The following GNAT3 variants were observed in gnomAD, a reference collection of about 807,000 sequenced individuals.
The protein encoded by GNAT3 is G protein subunit alpha transducin 3.
Under a neutral mutation model 37.7 loss-of-function variants are expected in GNAT3, and 31 were observed. The ratio of observed to expected loss-of-function variants is 0.82; its 90% CI spans 0.62 to 1.11. The LOEUF (loss-of-function observed/expected upper bound fraction) is 1.11, where lower values mean the gene tolerates loss of function less well. Ranked by LOEUF, GNAT3 falls within the 50% of genes most tolerant of loss-of-function variation. The pLI, the probability that GNAT3 is intolerant of heterozygous loss-of-function variation, is 0.00. For synonymous variants in GNAT3, 138 were observed against 139.8 expected, an observed-to-expected ratio of 0.99 and a Z score of 0.09; for missense variants, 437 against 412.5, an observed-to-expected ratio of 1.06 and a Z score of -0.51.
intron 3 of GNAT3, among the ~76,000 whole-genome samples, chr7:80,487,280 G>C (rs1790505031): frequency 6.6e-6 from 1 of 152,098 alleles, no homozygotes; most frequent in Non-Finnish European, 1.5e-5. Context: ...AAGAATAAAA[G>C]GATCTTGGAG....
At chr7:80,467,441 A>T (rs1388028210) in intron 5 of GNAT3, among the ~76,000 whole-genome samples, 1 of 152,134 alleles carries the variant, frequency 6.6e-6, no homozygotes, top group Non-Finnish European at 1.5e-5. Flanking sequence ...ATCAATAGCC[A>T]GAGTTTTGTT....
intron 5 of GNAT3, 107 bp downstream of exon 5, chr7:80,474,144 A>C: frequency 9.3e-7 from 1 of 1,075,402 alleles, no homozygotes; most frequent in Admixed American, 2.2e-5. Flanking sequence ...TAGTGAGTAC[A>C]TCCAAGGATT....
intron 1 of GNAT3, among the ~76,000 whole-genome samples, chr7:80,510,808 C>A (rs1584204183): frequency 6.6e-6 from 1 of 152,042 alleles, no homozygotes; most frequent in Admixed American, 6.6e-5. Flanking sequence ...CGAAGGAATA[C>A]TTAAATAAGT....
intron 5 of GNAT3, 37 bp from the exon 6 acceptor site, chr7:80,462,668 A>G: frequency 6.4e-7 from 1 of 1,558,832 alleles, no homozygotes; most frequent in Non-Finnish European, 8.8e-7. Flanking sequence ...AAATCTTGCA[A>G]ATATCCTCCA....
Position 80,488,620 on chromosome 7 carries a change from AT to A in GNAT3, c.217del (p.Ile73PhefsTer10). On this transcript the variant is annotated frameshift_variant, in exon 3 of 8. Coordinates refer to ENST00000398291, the MANE Select transcript of GNAT3 (RefSeq NM_001102386.3). LOFTEE classifies it high-confidence loss of function. ...GATGGATTGCAATGTATTACTGTAA[AT>A]TACTGCTTTGAACTCCATGCATTCT... ...EQECMEFKAV[I>X]YSNTLQSILA... The A allele has an allele frequency of 6.3e-7, 1 of 1,592,108 alleles. No homozygotes were observed. The highest frequency in any genetic ancestry group is 8.6e-7 in the Non-Finnish European group (1 of 1,166,802).
chr7:80,488,737 A>C, intron 2 of GNAT3, 61 bp from the exon 3 acceptor site: 1 of 1,256,850 alleles, frequency 8.0e-7, no homozygotes, highest in South Asian at 1.4e-5. Flanking sequence ...ACTAAAGCAC[A>C]TCCAACTAAG....
intron 1 of GNAT3, among the ~76,000 whole-genome samples, chr7:80,499,950 T>G (rs1417717561): frequency 2.0e-5 from 3 of 152,214 alleles, no homozygotes; most frequent in Non-Finnish European, 4.4e-5. Context: ...TTCTATTATT[T>G]GAAGAATGTG....
rs1231013970 is a variant in GNAT3 at position 80,462,634 on chromosome 7, T to G, written c.591-3A>C. On this transcript the variant is annotated splice_polypyrimidine_tract_variant and splice_region_variant and intron_variant, in intron 5 of 7. Transcript: ENST00000398291. The stretch of plus-strand genomic sequence containing the variant: ...TCTGTCCACCTACATCAAACATCCT[T>G]TAAGAAAACATCAAATGAATAATAA... The G allele has an allele frequency of 1.3e-5, 21 of 1,606,684 alleles. No individual in the cohort carries two copies. The highest frequency in any genetic ancestry group is 1.3e-5 in the African/African-American group (1 of 74,666).
intron 4 of GNAT3, 58 bp downstream of exon 4, chr7:80,478,783 T>C: frequency 1.3e-6 from 2 of 1,532,714 alleles, no homozygotes; most frequent in Non-Finnish European, 1.8e-6. Context: ...TATGCAGAAT[T>C]ATAATTCTTA....
intron 7 of GNAT3, among the ~76,000 whole-genome samples, chr7:80,459,287 T>C (rs1012930803): frequency 7.2e-5 from 11 of 152,044 alleles, no homozygotes; most frequent in Non-Finnish European, 8.8e-5. Flanking sequence ...CAGAGAAAAG[T>C]AAGTGAAAAC....
intron 1 of GNAT3, among the ~76,000 whole-genome samples, chr7:80,510,705 C>G (rs531647433): frequency 6.6e-6 from 1 of 152,280 alleles, no homozygotes; most frequent in African/African-American, 2.4e-5. Context: ...GTGTAAGGGG[C>G]AAGGATGTTT....
In GNAT3 at chr7:80,462,215, A is replaced by T. The variant is rs770717261; in HGVS notation, c.818T>A (p.Ile273Asn). The T allele has an allele frequency of 5.6e-6, 9 of 1,606,354 alleles. No individual in the cohort carries two copies. Among genetic ancestry groups the T allele is most frequent in the East Asian group, 2.2e-5 (1 of 44,692 alleles). ...SIVLFLNKKD[I>N]FQEKVTKVHL... is the part of the protein sequence containing the mutation. ...CACCTTGGTTACCTTTTCTTGAAAG[A>T]TATCTTTTTTGTTGAGGAACAGGAC... Residue 273 changes from isoleucine (I) to asparagine (N), a missense_variant, in exon 7 of 8, where the codon ATC (isoleucine) becomes AAC (asparagine). Transcript: ENST00000398291.
rs937441618 is a variant in GNAT3, at chr7:80,478,936, T to C, written c.366A>G (p.Gln122=). The change falls in exon 4 of 8, where the codon CAA becomes CAG. Residue 122 remains glutamine, a synonymous_variant. Coordinates refer to ENST00000398291, the MANE Select transcript of GNAT3 (RefSeq NM_001102386.3). ...NTLEDGGMTP[Q]LAEVIKRLWR... The stretch of plus-strand genomic sequence containing the variant: ...ACAGCCGTTTTATTACCTCAGCCAG[T>C]TGAGGTGTCATGCCACCATCTTCCA... The C allele has an allele frequency of 2.5e-6, 4 of 1,612,834 alleles. No individual in the cohort carries two copies. Among genetic ancestry groups the C allele is most frequent in the Non-Finnish European group, 3.4e-6 (4 of 1,179,024 alleles).
chr7:80,463,511 C>T (rs1240060503), intron 5 of GNAT3, among the ~76,000 whole-genome samples: 4 of 151,978 alleles, frequency 2.6e-5, no homozygotes, highest in Admixed American at 2.6e-4. Flanking sequence ...ACTATGAAGT[C>T]TTAGCATCAA....
chr7:80,492,312 C>A (rs1790609752), intron 2 of GNAT3, among the ~76,000 whole-genome samples: 1 of 151,896 alleles, frequency 6.6e-6, no homozygotes, highest in African/African-American at 2.4e-5. Context: ...CCACTGCACT[C>A]CAGCCTAGGC....
chr7:80,473,573 T>A (rs1417523858), intron 5 of GNAT3, among the ~76,000 whole-genome samples: 4 of 152,120 alleles, frequency 2.6e-5, no homozygotes, highest in Non-Finnish European at 5.9e-5. Context: ...CTGCTATTAA[T>A]GTTTAATATT....
chr7:80,467,932 CTTAT>C (rs907514228), intron 5 of GNAT3, among the ~76,000 whole-genome samples: 3 of 151,096 alleles, frequency 2.0e-5, no homozygotes, highest in Non-Finnish European at 4.4e-5. Context: ...GTTTTTTGGT[CTTAT>C]TTATTTAAGT....
intron 2 of GNAT3, among the ~76,000 whole-genome samples, chr7:80,490,794 T>A (rs967105501): frequency 3.3e-5 from 5 of 152,200 alleles, no homozygotes; most frequent in Admixed American, 1.3e-4. Flanking sequence ...TTCAGTTAGT[T>A]TGTGATACAC....
At chr7:80,510,900 C>T (rs1382968467) in intron 1 of GNAT3, among the ~76,000 whole-genome samples, 1 of 152,002 alleles carries the variant, frequency 6.6e-6, no homozygotes, top group Non-Finnish European at 1.5e-5. Context: ...GTGAAATATG[C>T]ACGATTCTGA....
Sources: allele counts gnomAD v4.1 joint callset (sites outside exome capture counted in the v4.1 genomes callset), GRCh38; gene constraint gnomAD v4.1.1; transcripts MANE v1.5; gene names NCBI Gene and HGNC (gene_info 2026-07-23, HGNC 2026-07-21).